Variants in SNTG1 observed in about 807,000 individuals in gnomAD.
SNTG1 encodes syntrophin gamma 1, also known as gamma-1-syntrophin.
In SNTG1, 39 loss-of-function variants were observed where a neutral mutation model predicts 74.7. The ratio of observed to expected loss-of-function variants is 0.52; its 90% CI spans 0.40 to 0.68. The LOEUF (loss-of-function observed/expected upper bound fraction) is 0.68, where lower values mean the gene tolerates loss of function less well. SNTG1 is among the 30% of genes least tolerant of loss of function. The probability of loss-of-function intolerance (pLI) is 0.00; values close to 1 mark genes in which losing one functional copy is unlikely to be tolerated. For missense variants in SNTG1, 685 were observed against 609.5 expected, an observed-to-expected ratio of 1.12 and a Z score of -1.30; for synonymous variants, 254 against 217.1, an observed-to-expected ratio of 1.17 and a Z score of -1.49.
In SNTG1 at chr8:50,450,120, G is replaced by A. The variant is rs145740007; in HGVS notation, c.277+395G>A. Among the ~76,000 whole-genome samples the A allele has an allele frequency of 1.7e-3, 258 of 152,270 alleles. 1 individual carries two copies. The highest frequency in any genetic ancestry group is 5.9e-3 in the African/African-American group (247 of 41,548). On this transcript the variant is annotated intron_variant, in intron 6 of 18. Coordinates refer to ENST00000642720, the MANE Select transcript of SNTG1 (RefSeq NM_018967.5). ...AGCTAACCATTCATAAGAAACTGTA[G>A]GAAAAATAATGGAGATATAAAGCAG...
intron 10 of SNTG1, among the ~76,000 whole-genome samples, chr8:50,534,094 G>T (rs1488514433): frequency 6.6e-6 from 1 of 152,078 alleles, no homozygotes; most frequent in East Asian, 1.9e-4. Context: ...AAATAATCAA[G>T]TAAAAAAATC....
chr8:50,576,523 G>A (rs1160052920), intron 12 of SNTG1, among the ~76,000 whole-genome samples: 1 of 152,054 alleles, frequency 6.6e-6, no homozygotes, highest in Non-Finnish European at 1.5e-5. Flanking sequence ...ATTTTGATAA[G>A]GTTTGAGGGA....
chr8:50,646,444 G>A (rs1208267734), intron 13 of SNTG1, among the ~76,000 whole-genome samples: 1 of 152,142 alleles, frequency 6.6e-6, no homozygotes, highest in African/African-American at 2.4e-5. Context: ...TATTAGATTA[G>A]CATGCTGTCC....
rs1802793650 is a variant in SNTG1, at chr8:50,796,002, A to G, written c.*3173A>G. ...AAAAAGAAAGCAATTACTTGAAAAT[A>G]AATGTCAAGTCCATATTAGCCATGC... On this transcript the variant is annotated 3_prime_UTR_variant, in exon 19 of 19. Transcript: ENST00000642720. The G allele has an allele frequency of 6.6e-6, 1 of 152,102 alleles. No individual in the cohort carries two copies. Among genetic ancestry groups the G allele is most frequent in the Non-Finnish European group, 1.5e-5 (1 of 67,984 alleles). The allele number at this position is 152,102 out of a possible 1,614,324, so 9.4% of individuals were successfully genotyped here.
intron 13 of SNTG1, among the ~76,000 whole-genome samples, chr8:50,600,196 G>A (rs113518082): frequency 0.013 from 1,990 of 151,868 alleles, 47 homozygotes; most frequent in African/African-American, 0.043. Context: ...TTGAATTTGC[G>A]TTGACAGTAT....
intron 2 of SNTG1, among the ~76,000 whole-genome samples, chr8:50,239,792 T>C (rs550586927): frequency 2.0e-5 from 3 of 152,316 alleles, no homozygotes; most frequent in African/African-American, 7.2e-5. Context: ...TTACACTGCT[T>C]ATGCTATTGT....
chr8:50,747,445 G>A (rs1197663825), intron 17 of SNTG1, among the ~76,000 whole-genome samples: 2 of 151,842 alleles, frequency 1.3e-5, no homozygotes, highest in Admixed American at 1.3e-4. Context: ...TTTTGTGCAT[G>A]TGTGTTTTAC....
At chr8:50,780,901 G>T (rs184459994) in intron 18 of SNTG1, among the ~76,000 whole-genome samples, 1 of 152,244 alleles carries the variant, frequency 6.6e-6, no homozygotes, top group African/African-American at 2.4e-5. Context: ...CTGGTATATT[G>T]TGTCTTTGTT....
intron 2 of SNTG1, among the ~76,000 whole-genome samples, chr8:50,378,816 T>A (rs2092432740): frequency 6.6e-6 from 1 of 152,010 alleles, no homozygotes; most frequent in Non-Finnish European, 1.5e-5. Flanking sequence ...CCTGCTCAGC[T>A]TTGGCTGATC....
chr8:50,631,516 G>GACCTCATCA (rs2094997327), intron 13 of SNTG1, among the ~76,000 whole-genome samples: 1 of 152,122 alleles, frequency 6.6e-6, no homozygotes, highest in Admixed American at 6.5e-5. Flanking sequence ...AATTAACAGT[G>GACCTCATCA]AATGACTCTG....
chr8:50,104,353 G>C (rs1230955230), intron 1 of SNTG1, among the ~76,000 whole-genome samples: 2 of 152,166 alleles, frequency 1.3e-5, no homozygotes, highest in Non-Finnish European at 2.9e-5. Flanking sequence ...TTGCATAGAG[G>C]TGTTTGAAGT....
intron 9 of SNTG1, among the ~76,000 whole-genome samples, chr8:50,503,874 G>C (rs2093984426): frequency 6.6e-6 from 1 of 152,020 alleles, no homozygotes; most frequent in Admixed American, 6.6e-5. Flanking sequence ...TAAGTTCAGG[G>C]GTACAAATGC....
chr8:50,614,621 A>G (rs1438113605), intron 13 of SNTG1, among the ~76,000 whole-genome samples: 1 of 152,174 alleles, frequency 6.6e-6, no homozygotes, highest in East Asian at 1.9e-4. Context: ...TAATTATACA[A>G]TCATACCCAC....
At chr8:49,990,743 A>G (rs1425439662) in intron 1 of SNTG1, among the ~76,000 whole-genome samples, 2 of 152,110 alleles carry the variant, frequency 1.3e-5, no homozygotes, top group South Asian at 2.1e-4. Flanking sequence ...GCCAAGACAC[A>G]TGTAACATGA....
At chr8:50,703,237 T>G (rs2095432207) in intron 15 of SNTG1, among the ~76,000 whole-genome samples, 1 of 152,252 alleles carries the variant, frequency 6.6e-6, no homozygotes, top group Admixed American at 6.5e-5. Context: ...AAACACATTA[T>G]GTAGCTGTAC....
At chr8:49,982,475 A>T (rs1297884681) in intron 1 of SNTG1, among the ~76,000 whole-genome samples, 1 of 152,016 alleles carries the variant, frequency 6.6e-6, no homozygotes, top group African/African-American at 2.4e-5. Flanking sequence ...TATATTCATT[A>T]TATATAGTGC....
chr8:50,501,747 C>T (rs528396231), intron 8 of SNTG1, among the ~76,000 whole-genome samples: 1 of 151,904 alleles, frequency 6.6e-6, no homozygotes, highest in South Asian at 2.1e-4. Context: ...CATGAGCCAC[C>T]ATGCCCAGCC....
At chr8:50,307,201 T>A (rs556489478) in intron 2 of SNTG1, among the ~76,000 whole-genome samples, 2 of 152,128 alleles carry the variant, frequency 1.3e-5, no homozygotes, top group Non-Finnish European at 2.9e-5. Flanking sequence ...ATCTCTTGAT[T>A]AACCTATATA....
chr8:50,644,295 A>T lies in SNTG1; in HGVS notation c.850-12614A>T, dbSNP rs1374810397. 2.0e-5 allele frequency: 3 copies of T among 152,264 alleles called. No homozygotes were observed. In the East Asian group the frequency reaches 5.8e-4, roughly 29 times the overall value. The allele number at this position is 152,264 out of a possible 1,614,324, so 9.4% of individuals were successfully genotyped here. A position where few individuals can be genotyped will look rare whatever the true frequency, so the allele number is the denominator to read the frequency against. On this transcript the variant is annotated intron_variant, in intron 13 of 18. Coordinates refer to ENST00000642720, the MANE Select transcript of SNTG1 (RefSeq NM_018967.5). Reference sequence around the variant, plus strand: ...ACACTTGAACAACACAGGTTTGGACATCGAGGGTCCACTGATAATGTGGAT... The same window carrying T: ...ACACTTGAACAACACAGGTTTGGACTTCGAGGGTCCACTGATAATGTGGAT...
Sources: gnomAD v4.1 joint callset for allele counts (sites outside exome capture counted in the v4.1 genomes callset) on GRCh38, gnomAD v4.1.1 for gene constraint, MANE v1.5 for transcripts, NCBI Gene and HGNC (gene_info 2026-07-23, HGNC 2026-07-21) for gene names.